The following PIK3CD variants were observed in gnomAD, a reference collection of about 807,000 sequenced individuals.
PIK3CD encodes the protein phosphatidylinositol-4,5-bisphosphate 3-kinase catalytic subunit delta.
Under a neutral mutation model 122.9 loss-of-function variants are expected in PIK3CD, and 20 were observed. The observed-to-expected ratio is 0.16, with a 90% confidence interval of 0.11 to 0.24. PIK3CD has a LOEUF of 0.24. PIK3CD is among the 10% of genes least tolerant of loss of function. The pLI is 1.00. For synonymous variants in PIK3CD, 596 were observed against 593.4 expected (o/e 1.00, Z -0.06); for missense variants, 787 against 1,406.3 (o/e 0.56, Z 7.04).
chr1:9,708,579 G>C (rs1033009325), intron 2 of PIK3CD, among the ~76,000 whole-genome samples: 1 of 152,180 alleles, frequency 6.6e-6, no homozygotes, highest in Non-Finnish European at 1.5e-5. Flanking sequence ...CGGGCCCAGT[G>C]GCTCATTCCT....
intron 23 of PIK3CD, 122 bp downstream of exon 23, chr1:9,725,058 A>G (rs777962029): frequency 3.8e-4 from 477 of 1,258,324 alleles, no homozygotes; most frequent in Non-Finnish European, 4.9e-4. Context: ...TGTGTGCCTC[A>G]TGCCGTCCCA....
chr1:9,661,840 C>T (rs1175637399), intron 1 of PIK3CD, among the ~76,000 whole-genome samples: 2 of 152,014 alleles, frequency 1.3e-5, no homozygotes, highest in Non-Finnish European at 2.9e-5. Context: ...ATTAAAAATA[C>T]AAAAAATTAG....
Position 9,718,676 on chromosome 1 carries a change from T to C in PIK3CD, c.1021-18T>C. 1.9e-6 allele frequency: 3 copies of C among 1,599,514 alleles called. No homozygotes were observed. In the South Asian group the frequency reaches 3.3e-5, roughly 18 times the overall value. On this transcript the variant is annotated intron_variant, in intron 8 of 23. Coordinates refer to ENST00000377346, the MANE Select transcript of PIK3CD (RefSeq NM_005026.5). The surrounding 1 kb of genome is among the most constrained non-coding windows in gnomAD (Gnocchi z 7.2). ...TGGGCCTCTGCCTCCTCACCCATCATCCCGGCACCTTCTACAGCTGGTGGT... is the reference window on the plus strand; with the variant it reads ...TGGGCCTCTGCCTCCTCACCCATCACCCCGGCACCTTCTACAGCTGGTGGT...
rs190144154 is a variant in PIK3CD, at chr1:9,722,226, C to T, written c.2235-18C>T. 115 of 1,611,226 alleles carry T rather than the reference C, an allele frequency of 7.1e-5. No homozygotes were observed. Among genetic ancestry groups the T allele is most frequent in the Admixed American group, 4.4e-4 (26 of 59,736 alleles). ...GGTAGAGGAGCCCCTGCTGACTGCC[C>T]GCTCTCTGGCCTGGCAGCGTGGAGC... is the stretch of plus-strand genomic sequence containing the variant. On this transcript the variant is annotated intron_variant, in intron 17 of 23. Coordinates refer to ENST00000377346, the MANE Select transcript of PIK3CD (RefSeq NM_005026.5). The surrounding 1 kb of genome is among the most constrained non-coding windows in gnomAD (Gnocchi z 7.6).
chr1:9,701,565 A>C (rs1646631103), intron 2 of PIK3CD, among the ~76,000 whole-genome samples: 1 of 150,340 alleles, frequency 6.7e-6, no homozygotes, highest in South Asian at 2.1e-4. Flanking sequence ...TCCACTTACG[A>C]GGCTGAGGCA....
chr1:9,656,747 A>G (rs2100761121), intron 1 of PIK3CD, among the ~76,000 whole-genome samples: 1 of 152,256 alleles, frequency 6.6e-6, no homozygotes, highest in East Asian at 1.9e-4. Flanking sequence ...GTTCAAGACC[A>G]GCCTGGCCAA....
At chr1:9,665,497 G>A (rs1282664999) in intron 1 of PIK3CD, among the ~76,000 whole-genome samples, 1 of 151,566 alleles carries the variant, frequency 6.6e-6, no homozygotes, top group East Asian at 1.9e-4. Flanking sequence ...GCACAGGGCT[G>A]TGGAACAGAA....
the PIK3CD span, among the ~76,000 whole-genome samples, chr1:9,636,334 C>T: frequency 6.6e-6 from 1 of 152,202 alleles, no homozygotes; most frequent in African/African-American, 2.4e-5. Flanking sequence ...GCTGGGATTA[C>T]AGGTGCCCAC....
chr1:9,659,028 C>T (rs1178035614), intron 1 of PIK3CD, among the ~76,000 whole-genome samples: 1 of 152,172 alleles, frequency 6.6e-6, no homozygotes, highest in African/African-American at 2.4e-5. Flanking sequence ...TATCATCATC[C>T]CTCTAGCCCA....
rs375964435 is a variant in PIK3CD at position 9,722,223 on chromosome 1, G to A, written c.2235-21G>A. On this transcript the variant is annotated intron_variant, in intron 17 of 23. Coordinates refer to ENST00000377346, the MANE Select transcript of PIK3CD (RefSeq NM_005026.5). This position sits in a 1 kb window ranked among gnomAD's most constrained non-coding sequence, Gnocchi z 7.6. ...GCCGGTAGAGGAGCCCCTGCTGACT[G>A]CCCGCTCTCTGGCCTGGCAGCGTGG... 28 of 1,611,290 alleles carry A rather than the reference G, an allele frequency of 1.7e-5. No individual in the cohort carries two copies. The highest frequency in any genetic ancestry group is 2.3e-5 in the Non-Finnish European group (27 of 1,178,978).
chr1:9,695,157 A>G (rs1646355345), intron 2 of PIK3CD, among the ~76,000 whole-genome samples: 1 of 152,216 alleles, frequency 6.6e-6, no homozygotes, highest in African/African-American at 2.4e-5. Context: ...AAAAATTTCA[A>G]CAGAAGAGTT....
intron 2 of PIK3CD, among the ~76,000 whole-genome samples, chr1:9,707,043 C>T (rs1646861060): frequency 6.7e-6 from 1 of 150,306 alleles, no homozygotes; most frequent in African/African-American, 2.5e-5. Context: ...TAACTCCTGG[C>T]CTCAAGTGAT....
intron 1 of PIK3CD, among the ~76,000 whole-genome samples, chr1:9,687,896 C>T (rs1416212101): frequency 6.6e-6 from 1 of 152,046 alleles, no homozygotes; most frequent in African/African-American, 2.4e-5. Flanking sequence ...TCCTGGACTC[C>T]CTCTCTTCTC....
chr1:9,723,152 C>T lies in PIK3CD; in HGVS notation c.2454C>T (p.Thr818=), dbSNP rs140234838. ...TGACCCCCTATGGCTGCCTCCCCACCGGGGACCGCACAGGCCTCATTGAGG... is the reference window on the plus strand; with the variant it reads ...TGACCCCCTATGGCTGCCTCCCCACTGGGGACCGCACAGGCCTCATTGAGG... The part of the protein sequence containing the change: ...LRMTPYGCLP[T]GDRTGLIEVV... The change falls in exon 20 of 24, where the codon ACC becomes ACT. Residue 818 remains threonine, a synonymous_variant. Transcript: ENST00000377346. The surrounding 1 kb of genome is among the most constrained non-coding windows in gnomAD (Gnocchi z 4.9). 185 of 1,613,734 alleles carry T rather than the reference C, an allele frequency of 1.1e-4. No individual in the cohort carries two copies. The highest frequency in any genetic ancestry group is 6.6e-4 in the Middle Eastern group (4 of 6,062).
At chr1:9,699,351 A>C (rs988277513) in intron 2 of PIK3CD, among the ~76,000 whole-genome samples, 1 of 151,990 alleles carries the variant, frequency 6.6e-6, no homozygotes, top group Non-Finnish European at 1.5e-5. Context: ...TTGCTTTCCT[A>C]CTTCCATTCT....
rs1304972324 is a variant in PIK3CD at position 9,727,220 on chromosome 1, A to C, written c.*174A>C. The C allele has an allele frequency of 1.3e-6, 1 of 753,698 alleles. No individual in the cohort carries two copies. Among genetic ancestry groups the C allele is most frequent in the Non-Finnish European group, 2.2e-6 (1 of 457,562 alleles). The allele number at this position is 753,698 out of a possible 1,614,324, so 46.7% of individuals were successfully genotyped here. On this transcript the variant is annotated 3_prime_UTR_variant, in exon 24 of 24. Transcript: ENST00000377346. ...ATGACTTGAAATAGTTTAAGGAGCT[A>C]AACAGCCATAAACGGAAACGCCTCC...
At position 9,721,746 on chromosome 1, in the gene PIK3CD, C is replaced by G. The variant is rs757736517; in HGVS notation, c.1956-15C>G. The G allele has an allele frequency of 6.2e-7, 1 of 1,612,420 alleles. No individual in the cohort carries two copies. Among genetic ancestry groups the G allele is most frequent in the Non-Finnish European group, 8.5e-7 (1 of 1,179,580 alleles). ...GTGCTGCCTGGTGAGGCTCAGCCCT[C>G]CCTTCACCTTCCAGCTCCGAGATGC... On this transcript the variant is annotated splice_polypyrimidine_tract_variant and intron_variant, in intron 15 of 23. Transcript: ENST00000377346.
intron 15 of PIK3CD, 50 bp from the exon 16 acceptor site, chr1:9,721,711 G>A: frequency 8.7e-6 from 14 of 1,606,632 alleles, no homozygotes; most frequent in Non-Finnish European, 1.2e-5. Context: ...TGGGCGGGAG[G>A]GGCTGCGTGG....
At chr1:9,633,572 G>A in the PIK3CD span, among the ~76,000 whole-genome samples, 4 of 152,176 alleles carry the variant, frequency 2.6e-5, no homozygotes, top group African/African-American at 7.2e-5. Flanking sequence ...GCCTCCCAAA[G>A]TACTGGGATT....
Sources: gnomAD v4.1 joint callset for allele counts (sites outside exome capture counted in the v4.1 genomes callset) on GRCh38, gnomAD v4.1.1 for gene constraint, Gnocchi (gnomAD v3.1) non-coding constraint, MANE v1.5 for transcripts, NCBI Gene and HGNC (gene_info 2026-07-23, HGNC 2026-07-21) for gene names.